GALNTL6: variants seen among roughly 807,000 people sequenced by gnomAD.
GALNTL6 encodes polypeptide N-acetylgalactosaminyltransferase like 6, also known as polypeptide N-acetylgalactosaminyltransferase-like 6.
Under a neutral mutation model 73.7 loss-of-function variants are expected in GALNTL6, and 46 were observed. The observed-to-expected ratio is 0.62, with a 90% CI of 0.49 to 0.80. GALNTL6 has a LOEUF of 0.80. GALNTL6 is among the 30% of genes least tolerant of loss of function. The probability of loss-of-function intolerance (pLI) is 0.00; values close to 1 mark genes in which losing one functional copy is unlikely to be tolerated. For missense variants in GALNTL6, 604 were observed against 755.0 expected (o/e 0.80, Z 2.34); for synonymous variants, 259 against 263.7 (o/e 0.98, Z 0.17).
chr4:172,128,336 A>G (rs1413797025), intron 2 of GALNTL6, among the ~76,000 whole-genome samples: 1 of 152,206 alleles, frequency 6.6e-6, no homozygotes. Flanking sequence ...TGAGCTGACT[A>G]TGCCAGATTT....
intron 2 of GALNTL6, among the ~76,000 whole-genome samples, chr4:172,036,657 T>C (rs1741937237): frequency 6.6e-6 from 1 of 152,138 alleles, no homozygotes; most frequent in Non-Finnish European, 1.5e-5. Flanking sequence ...TTGTCCCATA[T>C]TTCCTCACTA....
intron 11 of GALNTL6, among the ~76,000 whole-genome samples, chr4:173,014,113 G>C (rs1752676475): frequency 6.6e-6 from 1 of 151,940 alleles, no homozygotes; most frequent in African/African-American, 2.4e-5. Flanking sequence ...ATAAAAAAGA[G>C]TCCATTGAAG....
intron 5 of GALNTL6, among the ~76,000 whole-genome samples, chr4:172,579,138 A>G (rs1210756148): frequency 2.0e-5 from 3 of 152,200 alleles, no homozygotes; most frequent in East Asian, 1.9e-4. Context: ...ATTACGTACT[A>G]TGCAGCGAAG....
At chr4:171,823,779 C>G (rs1208509183) in intron 2 of GALNTL6, among the ~76,000 whole-genome samples, 2 of 151,102 alleles carry the variant, frequency 1.3e-5, no homozygotes, top group African/African-American at 4.9e-5. Context: ...CTGATGATGA[C>G]CAGATACACA....
At chr4:171,985,505 G>C (rs1740043386) in intron 2 of GALNTL6, among the ~76,000 whole-genome samples, 1 of 152,130 alleles carries the variant, frequency 6.6e-6, no homozygotes, top group Non-Finnish European at 1.5e-5. Flanking sequence ...TCTTTTACAT[G>C]ATGTTGCTTT....
At chr4:172,311,462 G>T in intron 3 of GALNTL6, 152 bp from the exon 4 acceptor site, 1 of 481,246 alleles carries the variant, frequency 2.1e-6, no homozygotes, top group South Asian at 8.9e-5. Context: ...TTTACTTAAA[G>T]GCAATTAAAA....
chr4:172,574,801 T>G (rs908200322), intron 5 of GALNTL6, among the ~76,000 whole-genome samples: 1 of 152,086 alleles, frequency 6.6e-6, no homozygotes, highest in Non-Finnish European at 1.5e-5. Flanking sequence ...TCCTTTGAAT[T>G]TTATCTAAAA....
intron 5 of GALNTL6, among the ~76,000 whole-genome samples, chr4:172,560,033 A>G (rs889391342): frequency 6.6e-6 from 1 of 152,218 alleles, no homozygotes; most frequent in Non-Finnish European, 1.5e-5. Flanking sequence ...TTAATGTTCA[A>G]CTTGCATCCT....
At chr4:172,662,252 G>C (rs777429401) in intron 5 of GALNTL6, among the ~76,000 whole-genome samples, 30 of 152,166 alleles carry the variant, frequency 2.0e-4, no homozygotes, top group Non-Finnish European at 4.0e-4. Context: ...GGGCTTCACA[G>C]TGACTATGAT....
At chr4:172,607,734 C>G (rs1034597367) in intron 5 of GALNTL6, among the ~76,000 whole-genome samples, 1 of 152,146 alleles carries the variant, frequency 6.6e-6, no homozygotes, top group Admixed American at 6.5e-5. Context: ...TGTTCCCTTT[C>G]CTTTATAGCC....
At chr4:171,980,620 A>T (rs1739867076) in intron 2 of GALNTL6, among the ~76,000 whole-genome samples, 1 of 152,214 alleles carries the variant, frequency 6.6e-6, no homozygotes, top group African/African-American at 2.4e-5. Context: ...AGAAGGCGAC[A>T]TCAAACTTCT....
chr4:172,207,844 A>T (rs893639834), intron 2 of GALNTL6, among the ~76,000 whole-genome samples: 1 of 152,234 alleles, frequency 6.6e-6, no homozygotes, highest in Non-Finnish European at 1.5e-5. Context: ...CATGATACAC[A>T]TCAAGTTTGT....
At chr4:172,949,896 G>A (rs1439811501) in intron 9 of GALNTL6, among the ~76,000 whole-genome samples, 1 of 145,178 alleles carries the variant, frequency 6.9e-6, no homozygotes, top group African/African-American at 2.5e-5. Flanking sequence ...GCAACACAGT[G>A]AGACTCTGTC....
Position 172,352,687 on chromosome 4 carries a change from G to A in GALNTL6, c.553+3998G>A, listed in dbSNP as rs529413933. 2.6e-5 allele frequency among the ~76,000 whole-genome samples: 4 copies of A among 152,162 alleles called. No homozygotes were observed. In the South Asian group the frequency reaches 8.3e-4, roughly 32 times the overall value. On this transcript the variant is annotated intron_variant, in intron 5 of 12. Transcript: ENST00000506823. ...TAGATGAATGCAAGTCTAAATTGAG[G>A]ATAGTCGCAGGAGAGTTGCTGACAC...
At chr4:172,496,243 A>T (rs1734066187) in intron 5 of GALNTL6, among the ~76,000 whole-genome samples, 1 of 152,200 alleles carries the variant, frequency 6.6e-6, no homozygotes, top group Admixed American at 6.5e-5. Context: ...ATGTACTTTG[A>T]CCTTACAAAT....
At chr4:172,281,709 AAAACAAAC>A (rs560023469) in intron 3 of GALNTL6, among the ~76,000 whole-genome samples, 2 of 152,000 alleles carry the variant, frequency 1.3e-5, no homozygotes, top group Non-Finnish European at 2.9e-5. Context: ...AGACCTTGTC[AAAACAAAC>A]AAACAAACAA....
At chr4:172,353,456 C>A (rs989359334) in intron 5 of GALNTL6, among the ~76,000 whole-genome samples, 1 of 152,062 alleles carries the variant, frequency 6.6e-6, no homozygotes, top group Admixed American at 6.6e-5. Context: ...TAAAGGACAT[C>A]GACAATATTT....
chr4:172,417,871 A>G (rs1313318009), intron 5 of GALNTL6, among the ~76,000 whole-genome samples: 2 of 152,140 alleles, frequency 1.3e-5, no homozygotes, highest in Non-Finnish European at 2.9e-5. Context: ...TGATCCATGA[A>G]AAGAAAGTTT....
At chr4:173,018,072 C>T (rs1752852432) in intron 11 of GALNTL6, among the ~76,000 whole-genome samples, 1 of 152,078 alleles carries the variant, frequency 6.6e-6, no homozygotes, top group Non-Finnish European at 1.5e-5. Context: ...GTATAAAAAC[C>T]AAAGACAGAG....
Sources: gnomAD v4.1 joint callset for allele counts (sites outside exome capture counted in the v4.1 genomes callset) on GRCh38, gnomAD v4.1.1 for gene constraint, MANE v1.5 for transcripts, NCBI Gene and HGNC (gene_info 2026-07-23, HGNC 2026-07-21) for gene names.